The following HIVEP1 variants were observed in gnomAD, a reference collection of about 807,000 sequenced individuals.
The protein encoded by HIVEP1 is zinc finger protein 40.
In HIVEP1, 36 loss-of-function variants were observed where a neutral mutation model predicts 180.0. That is an observed-to-expected ratio of 0.20 (90% CI 0.15 to 0.26). The LOEUF (loss-of-function observed/expected upper bound fraction) is 0.26. Ranked by LOEUF, HIVEP1 falls within the 10% of genes least tolerant of loss-of-function variation. The pLI, the probability that HIVEP1 is intolerant of heterozygous loss-of-function variation, is 1.00. For synonymous variants in HIVEP1, 1,239 were observed against 1,239.0 expected, an observed-to-expected ratio of 1.00 and a Z score of 0.00; for missense variants, 3,143 against 3,268.7, an observed-to-expected ratio of 0.96 and a Z score of 0.94.
the HIVEP1 span, among the ~76,000 whole-genome samples, chr6:12,172,556 TCTTA>T: frequency 5.3e-5 from 8 of 152,236 alleles, no homozygotes; most frequent in African/African-American, 1.7e-4. Flanking sequence ...AGGTAAATTT[TCTTA>T]CTTAAACTAA....
At chr6:12,192,319 A>C in the HIVEP1 span, among the ~76,000 whole-genome samples, 1 of 152,290 alleles carries the variant, frequency 6.6e-6, no homozygotes, top group African/African-American at 2.4e-5. Flanking sequence ...ATGGATACAC[A>C]ATATTTGTAC....
chr6:12,151,053 G>T (rs1759674181), intron 7 of HIVEP1, among the ~76,000 whole-genome samples: 1 of 152,292 alleles, frequency 6.6e-6, no homozygotes, highest in South Asian at 2.1e-4. Context: ...GGGCGAGCAG[G>T]TTGCGGTTCA....
chr6:12,110,343 T>C (rs573691944), intron 3 of HIVEP1, among the ~76,000 whole-genome samples: 3 of 152,374 alleles, frequency 2.0e-5, no homozygotes, highest in Admixed American at 1.3e-4. Flanking sequence ...ATGAAAGCCC[T>C]GGATGGCATC....
In HIVEP1 at chr6:12,070,460, G is replaced by C. The variant is rs996651370; in HGVS notation, c.41-18724G>C. Among the ~76,000 whole-genome samples, 7 of 152,126 alleles carry C rather than the reference G, an allele frequency of 4.6e-5. No homozygotes were observed. The South Asian group carries it at 1.4e-3, about 31-fold the overall frequency. On this transcript the variant is annotated intron_variant, in intron 2 of 8. Coordinates refer to ENST00000379388, the MANE Select transcript of HIVEP1 (RefSeq NM_002114.4). Reference sequence around the variant, plus strand: ...CTCAGCACTTTGGGAGGCCGAGGCGGGTAGATCACTTGGGGTTAGGAGTTC... The same window carrying C: ...CTCAGCACTTTGGGAGGCCGAGGCGCGTAGATCACTTGGGGTTAGGAGTTC...
At chr6:12,064,152 T>G (rs1358314840) in intron 2 of HIVEP1, among the ~76,000 whole-genome samples, 2 of 152,142 alleles carry the variant, frequency 1.3e-5, no homozygotes, top group Non-Finnish European at 2.9e-5. Flanking sequence ...CCAAATAAAT[T>G]TTTTTTAATG....
At chr6:12,146,053 A>G (rs1309791691) in intron 7 of HIVEP1, among the ~76,000 whole-genome samples, 1 of 152,250 alleles carries the variant, frequency 6.6e-6, no homozygotes, top group African/African-American at 2.4e-5. Context: ...GACAGGAGAA[A>G]TGGGGTAAAC....
the HIVEP1 span, among the ~76,000 whole-genome samples, chr6:12,171,969 C>T: frequency 6.6e-6 from 1 of 152,266 alleles, no homozygotes. Context: ...TGGACACCAC[C>T]TCCAAGAGCT....
intron 3 of HIVEP1, among the ~76,000 whole-genome samples, chr6:12,110,787 A>T (rs937603020): frequency 1.3e-5 from 2 of 152,202 alleles, no homozygotes; most frequent in African/African-American, 4.8e-5. Context: ...TTGCATTCAC[A>T]ACTTGGCTTA....
rs1400044581 is a variant in HIVEP1, at chr6:12,123,354, T to C, written c.3559T>C (p.Ser1187Pro). The C allele has an allele frequency of 1.2e-6, 2 of 1,614,102 alleles. No homozygotes were observed. Among genetic ancestry groups the C allele is most frequent in the South Asian group, 2.2e-5 (2 of 91,080 alleles). ...IGISQEESHP[S>P]RDGSHPHQLA... ...AATCTCCCAAGAGGAAAGTCACCCT[T>C]CTCGGGACGGGTCTCATCCTCACCA... Residue 1187 changes from serine to proline, a missense_variant, in exon 4 of 9, where the codon TCT becomes CCT. Ser to Pro is a moderately conservative substitution (Grantham distance 74). This residue lies in a region of HIVEP1 where 1,357 missense variants were observed against 1,260.5 expected (regional missense o/e 1.08). Transcript: ENST00000379388.
intron 2 of HIVEP1, among the ~76,000 whole-genome samples, chr6:12,023,766 G>A (rs1159673628): frequency 6.6e-6 from 1 of 152,092 alleles, no homozygotes; most frequent in African/African-American, 2.4e-5. Flanking sequence ...AATACAAAAT[G>A]TAGTAATATG....
At chr6:12,077,334 C>T (rs1432504188) in intron 2 of HIVEP1, among the ~76,000 whole-genome samples, 2 of 152,176 alleles carry the variant, frequency 1.3e-5, no homozygotes, top group Non-Finnish European at 2.9e-5. Context: ...CTGCTAACGT[C>T]ATCCCTGGTG....
At chr6:12,018,000 G>A (rs567885314) in intron 2 of HIVEP1, among the ~76,000 whole-genome samples, 44 of 152,350 alleles carry the variant, frequency 2.9e-4, no homozygotes, top group South Asian at 2.7e-3. Flanking sequence ...GGCTGGGGCC[G>A]TGCAGGAGCC....
In HIVEP1 at chr6:12,032,233, C is replaced by T. The variant is rs1021361304; in HGVS notation, c.40+16565C>T. 1.5e-4 allele frequency among the ~76,000 whole-genome samples: 23 copies of T among 151,236 alleles called. 1 individual carries two copies. The highest frequency in any genetic ancestry group is 3.2e-3 in the Middle Eastern group (1 of 314). On this transcript the variant is annotated intron_variant, in intron 2 of 8. Coordinates refer to ENST00000379388, the MANE Select transcript of HIVEP1 (RefSeq NM_002114.4). The stretch of plus-strand genomic sequence containing the variant: ...TCGGCTCACTGCAAGCTCTGCTTCC[C>T]GGTTTCACGCCATTCTCCTGTCTCA...
chr6:12,211,756 C>G, the HIVEP1 span, among the ~76,000 whole-genome samples: 1 of 152,132 alleles, frequency 6.6e-6, no homozygotes, highest in African/African-American at 2.4e-5. Flanking sequence ...GAACATCATT[C>G]TAGATGTCAC....
chr6:12,134,198 A>G (rs544263073), intron 6 of HIVEP1, among the ~76,000 whole-genome samples: 1 of 152,322 alleles, frequency 6.6e-6, no homozygotes, highest in South Asian at 2.1e-4. Context: ...TCTTTTAATA[A>G]TTGCTAAGAT....
chr6:12,123,384 G>A lies in HIVEP1; in HGVS notation c.3589G>A (p.Ala1197Thr), dbSNP rs531289525. ...GGACGGGTCTCATCCTCACCAGCTT[G>A]CACTATCAGACGCTCTCAGAGGAGA... is the stretch of plus-strand genomic sequence containing the variant. Reference protein sequence around the residue: ...SRDGSHPHQLALSDALRGELQ... With the variant: ...SRDGSHPHQLTLSDALRGELQ... The change falls in exon 4 of 9, where the codon GCA (alanine) becomes ACA (threonine). Residue 1197 changes from alanine (A) to threonine (T), a missense_variant. This residue lies in a region of HIVEP1 where 1,357 missense variants were observed against 1,260.5 expected (regional missense o/e 1.08). Coordinates refer to ENST00000379388, the MANE Select transcript of HIVEP1 (RefSeq NM_002114.4). The A allele has an allele frequency of 8.1e-6, 13 of 1,614,176 alleles. No homozygotes were observed. In the East Asian group the frequency reaches 2.9e-4, roughly 36 times the overall value.
chr6:12,127,510 A>C lies in HIVEP1; in HGVS notation c.6075+1640A>C, dbSNP rs1417253584. ...CTTGAGTACCAAATGCCTTGGAAGA[A>C]ATGTCTGGAAATGCATATCTAGATT... On this transcript the variant is annotated intron_variant, in intron 4 of 8. Transcript: ENST00000379388. Among the ~76,000 whole-genome samples, 3 of 152,222 alleles carry C rather than the reference A, an allele frequency of 2.0e-5. No individual in the cohort carries two copies. The East Asian group carries it at 5.8e-4, about 29-fold the overall frequency.
the HIVEP1 span, among the ~76,000 whole-genome samples, chr6:12,170,679 T>C: frequency 1.2e-4 from 19 of 152,226 alleles, no homozygotes; most frequent in Admixed American, 2.0e-4. Flanking sequence ...GCCGCAATAA[T>C]ATTATGGTTG....
intron 2 of HIVEP1, among the ~76,000 whole-genome samples, chr6:12,086,831 T>C (rs919024610): frequency 6.6e-6 from 1 of 152,230 alleles, no homozygotes. Flanking sequence ...TGAAAAAATA[T>C]AAATAACGCT....
Sources: gnomAD v4.1 joint callset for allele counts (sites outside exome capture counted in the v4.1 genomes callset) on GRCh38, gnomAD v4.1.1 for gene constraint, gnomAD v4.1.1 regional missense constraint, MANE v1.5 for transcripts, NCBI Gene and HGNC (gene_info 2026-07-23, HGNC 2026-07-21) for gene names.